Variants in EFCAB11 observed in about 807,000 individuals in gnomAD.
EFCAB11 encodes the protein EF-hand calcium binding domain 11.
In EFCAB11, 14 loss-of-function variants were observed where a neutral mutation model predicts 23.0. The ratio of observed to expected loss-of-function variants is 0.61; its 90% CI spans 0.40 to 0.95. EFCAB11 has a LOEUF of 0.95. Ranked by LOEUF, EFCAB11 falls within the 40% of genes least tolerant of loss-of-function variation. The probability of loss-of-function intolerance (pLI) is 0.00; values close to 1 mark genes in which losing one functional copy is unlikely to be tolerated. For missense variants in EFCAB11, 198 were observed against 195.8 expected (o/e 1.01, Z -0.07); for synonymous variants, 65 against 66.6 (o/e 0.98, Z 0.11).
intron 5 of EFCAB11, among the ~76,000 whole-genome samples, chr14:89,879,872 C>T (rs929103814): frequency 2.4e-4 from 37 of 152,134 alleles, no homozygotes; most frequent in African/African-American, 8.9e-4. Flanking sequence ...TGCTTCTTCC[C>T]CTATTACAAC....
chr14:89,816,733 CA>C (rs1160064400), intron 5 of EFCAB11, among the ~76,000 whole-genome samples: 1 of 151,618 alleles, frequency 6.6e-6, no homozygotes, highest in African/African-American at 2.4e-5. Flanking sequence ...GCAAGAAAAA[CA>C]AAAAAGAAAA....
intron 4 of EFCAB11, among the ~76,000 whole-genome samples, chr14:89,932,223 C>T (rs1890415034): frequency 6.6e-6 from 1 of 152,134 alleles, no homozygotes; most frequent in Admixed American, 6.6e-5. Context: ...CACGGTCTCC[C>T]ACACCTCCAT....
chr14:89,897,207 A>T (rs1014833773), intron 5 of EFCAB11, among the ~76,000 whole-genome samples: 115 of 133,578 alleles, frequency 8.6e-4, no homozygotes, highest in Middle Eastern at 3.9e-3. Context: ...GTATATGTGC[A>T]TTTTTTTTTT....
chr14:89,864,863 C>G (rs1252119118), intron 5 of EFCAB11, among the ~76,000 whole-genome samples: 1 of 152,154 alleles, frequency 6.6e-6, no homozygotes, highest in African/African-American at 2.4e-5. Flanking sequence ...CTCCAGGGTC[C>G]CTGTGATTTG....
intron 5 of EFCAB11, among the ~76,000 whole-genome samples, chr14:89,827,096 A>G (rs1458620347): frequency 6.6e-6 from 1 of 152,222 alleles, no homozygotes; most frequent in Non-Finnish European, 1.5e-5. Flanking sequence ...TTAGACAGGT[A>G]TTGAAGAACA....
intron 5 of EFCAB11, among the ~76,000 whole-genome samples, chr14:89,818,863 A>C (rs549111868): frequency 2.0e-5 from 3 of 152,334 alleles, no homozygotes; most frequent in Admixed American, 6.5e-5. Flanking sequence ...CTAAATTTAC[A>C]AAGATCGAGT....
chr14:89,862,010 T>C (rs1887939416), intron 5 of EFCAB11, among the ~76,000 whole-genome samples: 2 of 152,256 alleles, frequency 1.3e-5, no homozygotes, highest in South Asian at 4.1e-4. Context: ...TGGATGAATC[T>C]TTCCTTACCT....
intron 5 of EFCAB11, among the ~76,000 whole-genome samples, chr14:89,881,376 T>C (rs367704305): frequency 2.0e-5 from 3 of 146,576 alleles, no homozygotes; most frequent in African/African-American, 7.6e-5. Context: ...CAAAATCCAC[T>C]CTCTACCCAT....
At chr14:89,805,259 A>AC (rs572875746) in intron 5 of EFCAB11, among the ~76,000 whole-genome samples, 164 of 152,150 alleles carry the variant, frequency 1.1e-3, no homozygotes, top group African/African-American at 3.8e-3. Flanking sequence ...ACAGACCCCC[A>AC]CCCCAAGCTC....
chr14:89,809,533 G>C (rs1886082925), intron 5 of EFCAB11, among the ~76,000 whole-genome samples: 1 of 152,000 alleles, frequency 6.6e-6, no homozygotes. Flanking sequence ...ATCTGTGCTG[G>C]CTAAGTGACT....
intron 5 of EFCAB11, chr14:89,923,335 C>G (rs962698726): frequency 1.3e-5 from 2 of 152,146 alleles, no homozygotes; most frequent in African/African-American, 4.8e-5. Flanking sequence ...CTAGAAGTCC[C>G]TCAGAGAGGA....
intron 5 of EFCAB11, among the ~76,000 whole-genome samples, chr14:89,827,182 G>A (rs1886719793): frequency 6.6e-6 from 1 of 152,198 alleles, no homozygotes; most frequent in Non-Finnish European, 1.5e-5. Flanking sequence ...CATCCTCAGG[G>A]CTGAAGAAAC....
intron 5 of EFCAB11, among the ~76,000 whole-genome samples, chr14:89,893,927 CA>C (rs1434132018): frequency 2.0e-5 from 3 of 151,926 alleles, no homozygotes; most frequent in Non-Finnish European, 2.9e-5. Flanking sequence ...CAAAAAATAA[CA>C]TCTCAATAGA....
At chr14:89,928,182 T>A (rs1016822398) in intron 5 of EFCAB11, among the ~76,000 whole-genome samples, 7 of 152,204 alleles carry the variant, frequency 4.6e-5, no homozygotes, top group African/African-American at 1.7e-4. Context: ...AAGTACAAGA[T>A]TTGTGGGCAT....
intron 5 of EFCAB11, among the ~76,000 whole-genome samples, chr14:89,845,617 T>G (rs1184181620): frequency 6.6e-6 from 1 of 152,178 alleles, no homozygotes; most frequent in Non-Finnish European, 1.5e-5. Context: ...TCAGCTCTCT[T>G]GTAAGGAGTG....
intron 5 of EFCAB11, among the ~76,000 whole-genome samples, chr14:89,809,073 G>A (rs1886065989): frequency 6.6e-6 from 1 of 152,272 alleles, no homozygotes; most frequent in Non-Finnish European, 1.5e-5. Flanking sequence ...CATACCGTGA[G>A]GGAGGTCTTA....
chr14:89,897,110 C>G (rs1889192724), intron 5 of EFCAB11, among the ~76,000 whole-genome samples: 1 of 151,238 alleles, frequency 6.6e-6, no homozygotes, highest in Admixed American at 6.6e-5. Flanking sequence ...AAGCAAGTCA[C>G]AAAGACTACA....
At chr14:89,820,366 C>G (rs1051955380) in intron 5 of EFCAB11, among the ~76,000 whole-genome samples, 2 of 152,082 alleles carry the variant, frequency 1.3e-5, no homozygotes, top group African/African-American at 4.8e-5. Flanking sequence ...AATTCCCCAG[C>G]AAAATATTCA....
rs1596459831 is a variant in EFCAB11, at chr14:89,928,663, T to C, written c.410+2878A>G. Among the ~76,000 whole-genome samples the C allele has an allele frequency of 2.8e-5, 4 of 144,612 alleles. No homozygotes were observed. In the South Asian group the frequency reaches 8.4e-4, roughly 30 times the overall value. 94.9% of individuals were successfully genotyped at this position (144,612 alleles called of 152,430 possible). A position where few individuals can be genotyped will look rare whatever the true frequency, so the allele number is the denominator to read the frequency against. On this transcript the variant is annotated intron_variant, in intron 5 of 5. Coordinates refer to ENST00000316738, the MANE Select transcript of EFCAB11 (RefSeq NM_145231.4). ...TTCCTGATATCTTGCTATTGAATTATATATATAATTATGTATGTTTATATA... is the reference window on the plus strand; with the variant it reads ...TTCCTGATATCTTGCTATTGAATTACATATATAATTATGTATGTTTATATA...
Sources: allele counts gnomAD v4.1 joint callset (sites outside exome capture counted in the v4.1 genomes callset), GRCh38; gene constraint gnomAD v4.1.1; transcripts MANE v1.5; gene names NCBI Gene and HGNC (gene_info 2026-07-23, HGNC 2026-07-21).